RBFOX1: variants seen among roughly 807,000 people sequenced by gnomAD.
RBFOX1 encodes RNA binding fox-1 homolog 1, also known as RNA binding protein fox-1 homolog 1.
RBFOX1 carries 8 observed loss-of-function variants against 57.7 expected under a neutral mutation model. That is an observed-to-expected ratio of 0.14 (90% CI 0.08 to 0.25). The LOEUF is 0.25. Ranked by LOEUF, RBFOX1 falls within the 10% of genes least tolerant of loss-of-function variation. RBFOX1 has a pLI of 1.00. For missense variants in RBFOX1, 611 were observed against 548.5 expected (o/e 1.11, Z -1.14); for synonymous variants, 326 against 222.4 (o/e 1.47, Z -4.15).
intron 1 of RBFOX1, among the ~76,000 whole-genome samples, chr16:6,142,605 T>A (rs1284100448): frequency 6.6e-6 from 1 of 152,204 alleles, no homozygotes; most frequent in African/African-American, 2.4e-5. Flanking sequence ...TGGCTCTGCC[T>A]TTTGACCAGC....
chr16:5,679,676 C>T (rs1174376288), intron 3 of RBFOX1, among the ~76,000 whole-genome samples: 3 of 152,144 alleles, frequency 2.0e-5, no homozygotes, highest in Admixed American at 6.5e-5. Flanking sequence ...AGTCCTCTAC[C>T]CAATTATTAC....
At chr16:6,705,875 G>C (rs948457178) in intron 3 of RBFOX1, among the ~76,000 whole-genome samples, 7 of 152,070 alleles carry the variant, frequency 4.6e-5, no homozygotes, top group Non-Finnish European at 8.8e-5. Context: ...AACATTAGCT[G>C]GGCATGGTGG....
chr16:5,420,026 G>T (rs1483332500), intron 1 of RBFOX1, among the ~76,000 whole-genome samples: 3 of 152,166 alleles, frequency 2.0e-5, no homozygotes, highest in Non-Finnish European at 2.9e-5. Context: ...ACCCTGGGAA[G>T]AGAGTCCAAC....
In RBFOX1 at chr16:7,657,543, G is replaced by A. The variant is rs931765564; in HGVS notation, c.890+3596G>A. On this transcript the variant is annotated intron_variant, in intron 12 of 15. Transcript: ENST00000550418. ...TGGTCTTGAACTCCTGACCTCAGGT[G>A]ATCCGCCCATCTGGGCCTCCCAAAG... Among the ~76,000 whole-genome samples, 17 of 152,224 alleles carry A rather than the reference G, an allele frequency of 1.1e-4. 1 individual carries two copies. The highest frequency in any genetic ancestry group is 3.9e-4 in the African/African-American group (16 of 41,454).
chr16:6,152,531 C>G (rs1458211096), intron 1 of RBFOX1, among the ~76,000 whole-genome samples: 1 of 152,212 alleles, frequency 6.6e-6, no homozygotes, highest in Non-Finnish European at 1.5e-5. Context: ...AGAGGCCCCA[C>G]TGGAGTGTTT....
intron 2 of RBFOX1, among the ~76,000 whole-genome samples, chr16:5,529,058 C>G (rs1220363269): frequency 6.6e-6 from 1 of 152,046 alleles, no homozygotes; most frequent in Non-Finnish European, 1.5e-5. Context: ...TGTGCCAAGA[C>G]CTGCTTTCTC....
At chr16:6,019,001 G>C (rs1051531263), upstream of RBFOX1, 114 of 777,676 alleles carry the variant, frequency 1.5e-4, no homozygotes, top group Non-Finnish European at 1.7e-4. The surrounding 1 kb of genome is among the most constrained non-coding windows in gnomAD (Gnocchi z 4.2). Context: ...GGGGAAGGGG[G>C]AGGGGGCGCT....
intron 3 of RBFOX1, among the ~76,000 whole-genome samples, chr16:7,047,716 C>CTTTTTTTTTTTTTTTTTTT (rs55636828): frequency 4.2e-5 from 2 of 47,914 alleles, no homozygotes; most frequent in African/African-American, 6.2e-5. Context: ...TCCTGCATTT[C>CTTTTTTTTTTTTTTTTTTT]TTTTTTTTTT....
intron 3 of RBFOX1, among the ~76,000 whole-genome samples, chr16:5,622,585 C>A (rs550658304): frequency 4.6e-5 from 7 of 152,304 alleles, no homozygotes; most frequent in African/African-American, 1.2e-4. Flanking sequence ...TTTGCTTAGA[C>A]CAAGGGTTGG....
intron 3 of RBFOX1, among the ~76,000 whole-genome samples, chr16:7,028,966 T>A (rs59436600): frequency 0.089 from 13,096 of 147,420 alleles, 981 homozygotes; most frequent in East Asian, 0.32. Flanking sequence ...GCAGCAAGCA[T>A]GCTGTTTGGA....
At position 5,616,994 on chromosome 16, in the gene RBFOX1, C is replaced by A. The variant is rs74327685; in HGVS notation, c.318+18033C>A. On this transcript the variant is annotated intron_variant, in intron 3 of 19. Transcript: ENST00000641259. ...CTTATTTGTTCCAAGTGAAACTGGCCGGAGGGCAGTTCCTGAGTTAGAGAC... is the reference window on the plus strand; with the variant it reads ...CTTATTTGTTCCAAGTGAAACTGGCAGGAGGGCAGTTCCTGAGTTAGAGAC... Among the ~76,000 whole-genome samples the A allele has an allele frequency of 5.6e-3, 853 of 151,732 alleles. 9 individuals are homozygous for A. Among genetic ancestry groups the A allele is most frequent in the African/African-American group, 0.019 (780 of 41,360 alleles).
Position 7,468,404 on chromosome 16 carries a change from C to T in RBFOX1, c.28-49743C>T, listed in dbSNP as rs546516244. ...TGTCAAGCTGTTAGGGAGATAAACT[C>T]ACGCTGCTACTTGCACTCAACATGC... is the stretch of plus-strand genomic sequence containing the variant. On this transcript the variant is annotated intron_variant, in intron 4 of 15. Transcript: ENST00000550418. Among the ~76,000 whole-genome samples the T allele has an allele frequency of 1.4e-3, 219 of 151,848 alleles. 1 individual carries two copies. Among genetic ancestry groups the T allele is most frequent in the Middle Eastern group, 6.9e-3 (2 of 290 alleles).
chr16:7,237,422 T>C (rs917667051), intron 4 of RBFOX1, among the ~76,000 whole-genome samples: 1 of 152,230 alleles, frequency 6.6e-6, no homozygotes, highest in South Asian at 2.1e-4. Context: ...TATAGTTTTG[T>C]CTCTGGACCA....
intron 1 of RBFOX1, among the ~76,000 whole-genome samples, chr16:6,142,564 T>A (rs2096727401): frequency 6.6e-6 from 1 of 152,200 alleles, no homozygotes; most frequent in Middle Eastern, 3.4e-3. Flanking sequence ...ACATTCCAAG[T>A]TCCCCTAGAA....
intron 2 of RBFOX1, among the ~76,000 whole-genome samples, chr16:6,604,369 G>A (rs1283520200): frequency 6.6e-6 from 1 of 152,010 alleles, no homozygotes; most frequent in East Asian, 1.9e-4. Context: ...AAGAGATAGG[G>A]CCTTGCTTTG....
chr16:7,418,114 C>A (rs1309190013), intron 4 of RBFOX1, among the ~76,000 whole-genome samples: 4 of 152,162 alleles, frequency 2.6e-5, no homozygotes, highest in Non-Finnish European at 5.9e-5. Context: ...CCTCACCTCT[C>A]CCCCACGGCC....
intron 4 of RBFOX1, among the ~76,000 whole-genome samples, chr16:7,121,549 T>C (rs891341263): frequency 5.3e-5 from 8 of 152,008 alleles, no homozygotes; most frequent in Non-Finnish European, 1.0e-4. Context: ...TATAAAGTAT[T>C]TGTGAAATTA....
At chr16:5,409,032 CTA>C (rs2151458730) in intron 1 of RBFOX1, among the ~76,000 whole-genome samples, 1 of 152,194 alleles carries the variant, frequency 6.6e-6, no homozygotes, top group East Asian at 1.9e-4. Flanking sequence ...AAACCTGTGG[CTA>C]TCTCACGCTG....
chr16:6,489,798 C>G (rs1271533055), intron 2 of RBFOX1, among the ~76,000 whole-genome samples: 1 of 152,178 alleles, frequency 6.6e-6, no homozygotes, highest in Non-Finnish European at 1.5e-5. Context: ...TGAATTCTCT[C>G]TACCATGACC....
Sources: gnomAD v4.1 joint callset for allele counts (sites outside exome capture counted in the v4.1 genomes callset) on GRCh38, gnomAD v4.1.1 for gene constraint, Gnocchi (gnomAD v3.1) non-coding constraint, MANE v1.5 for transcripts, NCBI Gene and HGNC (gene_info 2026-07-23, HGNC 2026-07-21) for gene names.